EIF2A: variants seen among roughly 807,000 people sequenced by gnomAD.
EIF2A encodes 65 kDa eukaryotic translation initiation factor 2A.
A neutral mutation model predicts 75.2 loss-of-function variants in EIF2A; 62 were observed. The ratio of observed to expected loss-of-function variants is 0.82; its 90% CI spans 0.67 to 1.02. The LOEUF (loss-of-function observed/expected upper bound fraction) is 1.02. Ranked by LOEUF, EIF2A falls within the 50% of genes least tolerant of loss-of-function variation. The pLI is 0.00. For synonymous variants in EIF2A, 207 were observed against 239.0 expected (o/e 0.87, Z 1.23); for missense variants, 611 against 677.7 (o/e 0.90, Z 1.09).
chr3:150,578,984 T>C (rs1193879437), intron 11 of EIF2A, among the ~76,000 whole-genome samples: 1 of 152,238 alleles, frequency 6.6e-6, no homozygotes, highest in Non-Finnish European at 1.5e-5. Context: ...ATACGTCCTT[T>C]CTAGAGAATG....
At chr3:150,557,693 C>A in intron 2 of EIF2A, 1 of 389,962 alleles carries the variant, frequency 2.6e-6, no homozygotes, top group Non-Finnish European at 5.1e-6. Flanking sequence ...GCCATTGCAC[C>A]ATGAGAAAGA....
chr3:150,568,137 T>G, intron 8 of EIF2A, 39 bp from the exon 9 acceptor site: 2 of 1,603,802 alleles, frequency 1.2e-6, no homozygotes, highest in South Asian at 2.2e-5. Flanking sequence ...TCAATGCCCA[T>G]TTGTGTTTTA....
chr3:150,560,178 A>C (rs1368327383), intron 3 of EIF2A, among the ~76,000 whole-genome samples: 7 of 152,178 alleles, frequency 4.6e-5, no homozygotes, highest in Non-Finnish European at 8.8e-5. Context: ...TTCAACTCTG[A>C]ATCTTTTTAG....
chr3:150,571,993 T>C lies in EIF2A; in HGVS notation c.847T>C (p.Ser283Pro). ...CCCCATTTATGATGTAGTTTGGAATTCTAGTTCTACTGAGTTTTGTGCTGT... is the reference window on the plus strand; with the variant it reads ...CCCCATTTATGATGTAGTTTGGAATCCTAGTTCTACTGAGTTTTGTGCTGT... ...NGPIYDVVWNSSSTEFCAVYG... is the reference protein window; with the variant it reads ...NGPIYDVVWNPSSTEFCAVYG... The change falls in exon 10 of 14, where the codon TCT becomes CCT. Residue 283 changes from serine to proline, a missense_variant. Ser to Pro is a moderately conservative substitution (Grantham distance 74). Coordinates refer to ENST00000460851, the MANE Select transcript of EIF2A (RefSeq NM_032025.5). 6.2e-7 allele frequency: 1 copy of C among 1,612,560 alleles called. No homozygotes were observed. Among genetic ancestry groups the C allele is most frequent in the Admixed American group, 1.7e-5 (1 of 59,844 alleles).
chr3:150,562,264 T>C (rs924408188), intron 3 of EIF2A, among the ~76,000 whole-genome samples: 6 of 151,636 alleles, frequency 4.0e-5, no homozygotes, highest in Admixed American at 1.3e-4. Flanking sequence ...CTACTAAAAA[T>C]ACAAAAAATT....
At position 150,547,203 on chromosome 3, in the gene EIF2A, G is replaced by GA. The variant is rs749128291; in HGVS notation, c.28+374dup. 162 of 265,928 alleles carry GA rather than the reference G, an allele frequency of 6.1e-4. 1 individual carries two copies. The Middle Eastern group carries it at 0.018, about 29-fold the overall frequency. The allele number at this position is 265,928 out of a possible 1,614,324, so 16.5% of individuals were successfully genotyped here. A position where few individuals can be genotyped will look rare whatever the true frequency, so the allele number is the denominator to read the frequency against. Reference sequence around the variant, plus strand: ...CTACAATAAGAACAAAGACAAACATGAGTTAGTCCTCTAGAATGATCACGC... The same window carrying GA: ...CTACAATAAGAACAAAGACAAACATGAAGTTAGTCCTCTAGAATGATCACGC... On this transcript the variant is annotated intron_variant, in intron 1 of 13. Coordinates refer to ENST00000460851, the MANE Select transcript of EIF2A (RefSeq NM_032025.5).
Position 150,581,636 on chromosome 3 carries a change from A to G in EIF2A, c.1516A>G (p.Ser506Gly). ...AAKQEARSDKSPDLAPTPAPQ... is the reference protein window; with the variant it reads ...AAKQEARSDKGPDLAPTPAPQ... The stretch of plus-strand genomic sequence containing the variant: ...CCTGCAGGAAGCAAGAAGTGACAAG[A>G]GTCCAGATTTGGCACCTACTCCTGC... The change falls in exon 12 of 14, where the codon AGT (serine) becomes GGT (glycine). Residue 506 changes from serine (S) to glycine (G), a missense_variant. Transcript: ENST00000460851. 1 of 1,551,346 alleles carries G rather than the reference A, an allele frequency of 6.4e-7. No individual in the cohort carries two copies. The highest frequency in any genetic ancestry group is 8.7e-7 in the Non-Finnish European group (1 of 1,146,808).
chr3:150,563,652 T>G (rs1237366581), intron 5 of EIF2A, 38 bp downstream of exon 5: 5 of 1,367,000 alleles, frequency 3.7e-6, no homozygotes, highest in Non-Finnish European at 4.0e-6. Flanking sequence ...TTTTACATAG[T>G]ATTTTTAATG....
Position 150,550,854 on chromosome 3 carries a change from C to T in EIF2A, c.29-1502C>T, listed in dbSNP as rs1049799844. 2.6e-5 allele frequency among the ~76,000 whole-genome samples: 4 copies of T among 152,272 alleles called. 1 individual carries two copies. ...GCTAATTTTTGTAGAGACAGCATCT[C>T]CCTATGTTGCCCAGGCTGGTCTTGA... is the stretch of plus-strand genomic sequence containing the variant. On this transcript the variant is annotated intron_variant, in intron 1 of 13. Coordinates refer to ENST00000460851, the MANE Select transcript of EIF2A (RefSeq NM_032025.5).
In EIF2A at chr3:150,572,251, G is replaced by A. The variant is rs1222782600; in HGVS notation, c.1105G>A (p.Gly369Ser). Residue 369 changes from glycine (G) to serine (S), a missense_variant, in exon 10 of 14, where the codon GGT (glycine) becomes AGT (serine). Physicochemically the swap from Gly to Ser is moderately conservative, Grantham distance 56. Transcript: ENST00000460851. Reference protein sequence around the residue: ...DSTYFAWCPDGEHILTATCAP... With the variant: ...DSTYFAWCPDSEHILTATCAP... ...TACATATTTTGCTTGGTGCCCGGAT[G>A]GTGAGCATATTTTAACAGCTACATG... 1 of 1,613,914 alleles carries A rather than the reference G, an allele frequency of 6.2e-7. No homozygotes were observed. The highest frequency in any genetic ancestry group is 1.7e-5 in the Admixed American group (1 of 60,010).
At chr3:150,580,316 G>A (rs1040479037) in intron 11 of EIF2A, among the ~76,000 whole-genome samples, 4 of 152,148 alleles carry the variant, frequency 2.6e-5, no homozygotes, top group Non-Finnish European at 4.4e-5. Context: ...ACCACAGATA[G>A]TACCGAACCC....
At chr3:150,569,770 G>A (rs1172051600) in intron 9 of EIF2A, among the ~76,000 whole-genome samples, 1 of 151,748 alleles carries the variant, frequency 6.6e-6, no homozygotes, top group Non-Finnish European at 1.5e-5. Flanking sequence ...AGCCAAGATC[G>A]TGCCACCGCA....
Position 150,584,096 on chromosome 3 carries a change from T to A in EIF2A, c.*185T>A. Reference sequence around the variant, plus strand: ...TGTCTATTAAATTGATATTTATATCTTGCATCCTATATCATGTCAATATGT... The same window carrying A: ...TGTCTATTAAATTGATATTTATATCATGCATCCTATATCATGTCAATATGT... On this transcript the variant is annotated 3_prime_UTR_variant, in exon 14 of 14. Coordinates refer to ENST00000460851, the MANE Select transcript of EIF2A (RefSeq NM_032025.5). 1.8e-6 allele frequency: 1 copy of A among 545,716 alleles called. No homozygotes were observed. Among genetic ancestry groups the A allele is most frequent in the African/African-American group, 1.9e-5 (1 of 52,122 alleles). The allele number at this position is 545,716 out of a possible 1,614,324, so 33.8% of individuals were successfully genotyped here. A position where few individuals can be genotyped will look rare whatever the true frequency, so the allele number is the denominator to read the frequency against.
intron 10 of EIF2A, among the ~76,000 whole-genome samples, chr3:150,572,870 AAAC>A (rs1724622882): frequency 2.0e-5 from 3 of 151,866 alleles, no homozygotes; most frequent in Middle Eastern, 3.2e-3. Flanking sequence ...AAAAAAAAAA[AAAC>A]AACCTTTCTC....
Position 150,572,524 on chromosome 3 carries a change from A to G in EIF2A, c.1378A>G (p.Lys460Glu). Residue 460 changes from lysine (K) to glutamate (E), a missense_variant, in exon 10 of 14, where the codon AAA (lysine) becomes GAA (glutamate). By Grantham distance (56) the Lys-to-Glu change is moderately conservative. Coordinates refer to ENST00000460851, the MANE Select transcript of EIF2A (RefSeq NM_032025.5). ...AAGAAATAAACCAATCACCAATTCC[A>G]AATTGGTAAGTAAAGTTTTACTACT... ...ALRNKPITNS[K>E]LHEEEPPQNM... 4 of 1,599,188 alleles carry G rather than the reference A, an allele frequency of 2.5e-6. No individual in the cohort carries two copies. The highest frequency in any genetic ancestry group is 3.4e-6 in the Non-Finnish European group (4 of 1,173,854).
chr3:150,581,839 A>G, intron 12 of EIF2A, 93 bp downstream of exon 12: 1 of 1,435,926 alleles, frequency 7.0e-7, no homozygotes, highest in Non-Finnish European at 9.4e-7. Flanking sequence ...ACAGGTATCT[A>G]AGAAGTTGGT....
At chr3:150,560,635 C>T (rs1723798250) in intron 3 of EIF2A, among the ~76,000 whole-genome samples, 1 of 151,270 alleles carries the variant, frequency 6.6e-6, no homozygotes, top group Admixed American at 6.6e-5. Flanking sequence ...TCAGTGACTG[C>T]TTATCTTAAC....
Position 150,572,153 on chromosome 3 carries a change from A to C in EIF2A, c.1007A>C (p.Asn336Thr). ...ATATTAGTATTAGCTGGATTTGGAA[A>C]TCTGAGGGGACAAATGGAAGTGTGG... ...GHILVLAGFG[N>T]LRGQMEVWDV... is the part of the protein sequence containing the mutation. The change falls in exon 10 of 14, where the codon AAT becomes ACT. Residue 336 changes from asparagine (N) to threonine (T), a missense_variant. Coordinates refer to ENST00000460851, the MANE Select transcript of EIF2A (RefSeq NM_032025.5). The C allele has an allele frequency of 6.2e-7, 1 of 1,613,990 alleles. No homozygotes were observed. Among genetic ancestry groups the C allele is most frequent in the Non-Finnish European group, 8.5e-7 (1 of 1,179,892 alleles).
chr3:150,556,279 A>T lies in EIF2A; in HGVS notation c.99-2109A>T, dbSNP rs990661643. 2.0e-5 allele frequency among the ~76,000 whole-genome samples: 3 copies of T among 152,184 alleles called. No homozygotes were observed. In the East Asian group the frequency reaches 5.8e-4, roughly 29 times the overall value. On this transcript the variant is annotated intron_variant, in intron 2 of 13. Transcript: ENST00000460851. Reference sequence around the variant, plus strand: ...ATATTTATGTGTCTCCTGGTGAGTTATTATACAGTAGGAACTGTGCTGTAC... The same window carrying T: ...ATATTTATGTGTCTCCTGGTGAGTTTTTATACAGTAGGAACTGTGCTGTAC...
Sources: allele counts gnomAD v4.1 joint callset (sites outside exome capture counted in the v4.1 genomes callset), GRCh38; gene constraint gnomAD v4.1.1; transcripts MANE v1.5; gene names NCBI Gene and HGNC (gene_info 2026-07-23, HGNC 2026-07-21).